Variants in CPED1 observed in about 807,000 individuals in gnomAD.
CPED1 encodes cadherin like and PC-esterase domain containing 1, also known as cadherin-like and PC-esterase domain-containing protein 1.
CPED1 carries 114 observed loss-of-function variants against 128.2 expected under a neutral mutation model. That is an observed-to-expected ratio of 0.89 (90% CI 0.76 to 1.04). The LOEUF (loss-of-function observed/expected upper bound fraction) is 1.04, where lower values mean the gene tolerates loss of function less well. Among genes scored for constraint, CPED1 ranks in the 50% least tolerant of loss-of-function variants. The pLI, the probability that CPED1 is intolerant of heterozygous loss-of-function variation, is 0.00. For missense variants in CPED1, 1,211 were observed against 1,207.1 expected (o/e 1.00, Z -0.05); for synonymous variants, 462 against 426.7 (o/e 1.08, Z -1.02).
intron 3 of CPED1, among the ~76,000 whole-genome samples, chr7:121,034,492 C>T (rs766737135): frequency 1.4e-4 from 21 of 151,966 alleles, no homozygotes; most frequent in Non-Finnish European, 2.5e-4. Context: ...GTGATCTGCC[C>T]GCCTCTGCCT....
chr7:121,058,083 A>C (rs1437441785), intron 4 of CPED1, among the ~76,000 whole-genome samples: 1 of 152,072 alleles, frequency 6.6e-6, no homozygotes, highest in East Asian at 1.9e-4. Context: ...GAACGTAAGG[A>C]GTTCCATGTG....
At chr7:121,033,980 C>T (rs1039488123) in intron 3 of CPED1, among the ~76,000 whole-genome samples, 1 of 152,102 alleles carries the variant, frequency 6.6e-6, no homozygotes, top group Non-Finnish European at 1.5e-5. Context: ...AGGTTTTGTT[C>T]ATTGCATTTC....
At chr7:121,112,696 G>C (rs1311290293) in intron 7 of CPED1, among the ~76,000 whole-genome samples, 1 of 152,082 alleles carries the variant, frequency 6.6e-6, no homozygotes, top group African/African-American at 2.4e-5. Context: ...TATCTCATTG[G>C]CCAAAGAACA....
At chr7:121,139,441 A>G (rs115465787) in intron 14 of CPED1, among the ~76,000 whole-genome samples, 63 of 151,974 alleles carry the variant, frequency 4.1e-4, no homozygotes, top group Middle Eastern at 3.4e-3. Flanking sequence ...GGAGCTATAC[A>G]GAGACCTAGT....
intron 17 of CPED1, among the ~76,000 whole-genome samples, chr7:121,240,840 G>C (rs541838639): frequency 2.4e-4 from 36 of 149,914 alleles, no homozygotes; most frequent in Non-Finnish European, 5.0e-4. Flanking sequence ...TCCATCCAAC[G>C]TGATGCTACA....
At chr7:121,108,596 GT>G (rs1242449130) in intron 7 of CPED1, among the ~76,000 whole-genome samples, 2 of 151,600 alleles carry the variant, frequency 1.3e-5, no homozygotes, top group South Asian at 4.2e-4. Context: ...ATTTTGTAAT[GT>G]TTTTTTCATA....
intron 5 of CPED1, among the ~76,000 whole-genome samples, chr7:121,094,797 A>T (rs1794660032): frequency 1.3e-5 from 2 of 152,164 alleles, no homozygotes; most frequent in African/African-American, 4.8e-5. Flanking sequence ...TATCTAGCCA[A>T]CCAGATATTA....
chr7:121,088,165 T>C (rs1271435760), intron 5 of CPED1, among the ~76,000 whole-genome samples: 1 of 152,190 alleles, frequency 6.6e-6, no homozygotes, highest in Non-Finnish European at 1.5e-5. Context: ...AAGTCTAGGA[T>C]TGTTATACAG....
intron 5 of CPED1, chr7:121,083,651 G>T (rs777660629): frequency 1.3e-5 from 2 of 152,234 alleles, no homozygotes; most frequent in African/African-American, 2.4e-5. Context: ...GCCAGGCTGC[G>T]TATGTGTAAA....
chr7:121,148,796 T>G (rs1796086335), intron 16 of CPED1, among the ~76,000 whole-genome samples: 1 of 152,176 alleles, frequency 6.6e-6, no homozygotes, highest in Non-Finnish European at 1.5e-5. Context: ...TAAATAAATA[T>G]TACATTTTAC....
chr7:121,083,797 C>T (rs942784981), intron 5 of CPED1: 2 of 152,330 alleles, frequency 1.3e-5, no homozygotes, highest in East Asian at 3.9e-4. Context: ...TGAGCACTTT[C>T]AGGGTGGTAT....
At chr7:121,227,132 C>T (rs1798032288) in intron 16 of CPED1, among the ~76,000 whole-genome samples, 1 of 151,974 alleles carries the variant, frequency 6.6e-6, no homozygotes, top group South Asian at 2.1e-4. Context: ...ATTCCAGTGC[C>T]CCAAATATCC....
chr7:121,145,668 G>T (rs1796008509), intron 16 of CPED1, among the ~76,000 whole-genome samples: 1 of 152,024 alleles, frequency 6.6e-6, no homozygotes, highest in African/African-American at 2.4e-5. Flanking sequence ...CTAACCCATA[G>T]ACTTTTCTAT....
At chr7:121,111,716 A>G (rs192395535) in intron 7 of CPED1, among the ~76,000 whole-genome samples, 1 of 152,178 alleles carries the variant, frequency 6.6e-6, no homozygotes, top group African/African-American at 2.4e-5. Flanking sequence ...AAAATAAAAA[A>G]GAAAAAACAC....
At chr7:121,278,019 G>A (rs528693850) in intron 22 of CPED1, among the ~76,000 whole-genome samples, 11 of 152,092 alleles carry the variant, frequency 7.2e-5, no homozygotes, top group Admixed American at 2.0e-4. Context: ...TAATGTTTTT[G>A]GCATGAAGCA....
At chr7:121,222,209 G>C (rs1367136797) in intron 16 of CPED1, among the ~76,000 whole-genome samples, 1 of 152,176 alleles carries the variant, frequency 6.6e-6, no homozygotes, top group Non-Finnish European at 1.5e-5. Flanking sequence ...TTATTAAATA[G>C]GGAATCCGTT....
In CPED1 at chr7:121,174,172, GTCTGTTTAC is replaced by G. The variant is rs776099204; in HGVS notation, c.2055+32038_2055+32046del. Among the ~76,000 whole-genome samples the G allele has an allele frequency of 1.8e-4, 27 of 152,220 alleles. 2 individuals carry two copies. The East Asian group carries it at 2.3e-3, about 13-fold the overall frequency. ...AATATTTTCTCCCATTCTGTGAGGTGTCTGTTTACTCTGTTGATAGTTTTGTTTGCAGTG... is the reference window on the plus strand; with the variant it reads ...AATATTTTCTCCCATTCTGTGAGGTGTCTGTTGATAGTTTTGTTTGCAGTG... On this transcript the variant is annotated intron_variant, in intron 16 of 22. Coordinates refer to ENST00000310396, the MANE Select transcript of CPED1 (RefSeq NM_024913.5).
chr7:121,077,926 G>T (rs1473017290), intron 5 of CPED1, among the ~76,000 whole-genome samples: 2 of 151,908 alleles, frequency 1.3e-5, no homozygotes, highest in Non-Finnish European at 2.9e-5. Flanking sequence ...AGTATCCTCA[G>T]AAGTAATTAG....
chr7:121,203,756 A>G (rs1158184275), intron 16 of CPED1, among the ~76,000 whole-genome samples: 1 of 152,152 alleles, frequency 6.6e-6, no homozygotes, highest in Non-Finnish European at 1.5e-5. Context: ...AGTGTCATGG[A>G]GGGAAAAGGT....
Sources: gnomAD v4.1 joint callset for allele counts (sites outside exome capture counted in the v4.1 genomes callset) on GRCh38, gnomAD v4.1.1 for gene constraint, MANE v1.5 for transcripts, NCBI Gene and HGNC (gene_info 2026-07-23, HGNC 2026-07-21) for gene names.